Variants in OPCML observed in about 807,000 individuals in gnomAD.
OPCML encodes the protein opioid binding protein/cell adhesion molecule like, also known as opioid-binding protein/cell adhesion molecule.
A neutral mutation model predicts 37.8 loss-of-function variants in OPCML; 13 were observed. The ratio of observed to expected loss-of-function variants is 0.34; its 90% CI spans 0.22 to 0.55. The LOEUF (loss-of-function observed/expected upper bound fraction) is 0.55, where lower values mean the gene tolerates loss of function less well. OPCML is among the 20% of genes least tolerant of loss of function. OPCML has a pLI of 0.91. For missense variants in OPCML, 341 were observed against 435.6 expected (o/e 0.78, Z 1.93); for synonymous variants, 176 against 168.8 (o/e 1.04, Z -0.33).
At chr11:132,574,297 C>T (rs7119584) in intron 3 of OPCML, among the ~76,000 whole-genome samples, 76,932 of 145,884 alleles carry the variant, frequency 0.53, 21,006 homozygotes, top group Admixed American at 0.65. Flanking sequence ...CTAGCTAAAC[C>T]TGGGCTTGAT....
At chr11:133,058,668 G>T (rs138257669) in intron 1 of OPCML, among the ~76,000 whole-genome samples, 2 of 152,318 alleles carry the variant, frequency 1.3e-5, no homozygotes, top group Admixed American at 1.3e-4. Context: ...AGTGAGCGCG[G>T]CTCCCCACGC....
chr11:133,416,444 GC>G (rs1398586788), intron 1 of OPCML, among the ~76,000 whole-genome samples: 8 of 152,246 alleles, frequency 5.3e-5, no homozygotes, highest in African/African-American at 1.9e-4. Context: ...CTGCCTCATG[GC>G]TCAATACCAT....
chr11:133,147,457 A>G (rs1038870342), intron 1 of OPCML, among the ~76,000 whole-genome samples: 4 of 152,180 alleles, frequency 2.6e-5, no homozygotes, highest in African/African-American at 9.6e-5. Flanking sequence ...ACCCGCTTCA[A>G]AACAGGAAGA....
At chr11:133,093,092 A>C (rs1948936936) in intron 1 of OPCML, among the ~76,000 whole-genome samples, 1 of 152,124 alleles carries the variant, frequency 6.6e-6, no homozygotes, top group South Asian at 2.1e-4. Flanking sequence ...GTATTTCAAT[A>C]GGTTTTTGAT....
intron 2 of OPCML, among the ~76,000 whole-genome samples, chr11:132,827,824 T>C (rs1940449740): frequency 7.1e-6 from 1 of 140,776 alleles, no homozygotes; most frequent in African/African-American, 2.5e-5. Context: ...TTTTGTATTT[T>C]TAGTAGAGAC....
At chr11:133,483,311 C>CAGAT (rs10527085) in intron 1 of OPCML, among the ~76,000 whole-genome samples, 15,150 of 148,446 alleles carry the variant, frequency 0.1, 868 homozygotes, top group African/African-American at 0.16. Flanking sequence ...GATAGATAGG[C>CAGAT]AGATAGATAG....
At chr11:133,144,432 G>A (rs936974745) in intron 1 of OPCML, among the ~76,000 whole-genome samples, 9 of 152,196 alleles carry the variant, frequency 5.9e-5, no homozygotes, top group South Asian at 2.1e-4. Flanking sequence ...GGCAGCTGGC[G>A]TATCCATTTC....
At chr11:133,314,316 T>C (rs1426885464) in intron 1 of OPCML, among the ~76,000 whole-genome samples, 1 of 148,716 alleles carries the variant, frequency 6.7e-6, no homozygotes, top group Non-Finnish European at 1.5e-5. Flanking sequence ...AAAAACTAAT[T>C]AAATTCAATA....
chr11:133,483,243 G>A (rs1019998358), intron 1 of OPCML, among the ~76,000 whole-genome samples: 1 of 151,984 alleles, frequency 6.6e-6, no homozygotes, highest in Non-Finnish European at 1.5e-5. Flanking sequence ...AGGAAATACT[G>A]AAGAAAGTGA....
chr11:132,771,507 AAT>A (rs1279688260), intron 2 of OPCML: 1 of 152,204 alleles, frequency 6.6e-6, no homozygotes, highest in East Asian at 1.9e-4. Context: ...ACAAGCAATT[AAT>A]CCTATTATCC....
At chr11:132,799,125 A>T (rs926781949) in intron 2 of OPCML, among the ~76,000 whole-genome samples, 3 of 152,190 alleles carry the variant, frequency 2.0e-5, no homozygotes, top group African/African-American at 7.2e-5. Context: ...TGTTCTTTGA[A>T]GTTTTGAAGC....
intron 1 of OPCML, among the ~76,000 whole-genome samples, chr11:133,265,034 G>A (rs985560161): frequency 3.9e-5 from 6 of 152,122 alleles, no homozygotes; most frequent in South Asian, 4.2e-4. Context: ...TTGATGACTC[G>A]CTGCGCCGTG....
At chr11:132,473,441 A>G (rs1425865644) in intron 4 of OPCML, among the ~76,000 whole-genome samples, 1 of 152,172 alleles carries the variant, frequency 6.6e-6, no homozygotes, top group Non-Finnish European at 1.5e-5. Context: ...TAGGTCAAGG[A>G]TCCATTTCCC....
intron 1 of OPCML, among the ~76,000 whole-genome samples, chr11:133,344,763 A>G (rs1470181858): frequency 6.6e-6 from 1 of 152,210 alleles, no homozygotes; most frequent in African/African-American, 2.4e-5. Context: ...GAAAGAGAAG[A>G]CCTAGCTAAA....
chr11:132,583,020 A>G (rs938483466), intron 3 of OPCML, among the ~76,000 whole-genome samples: 3 of 151,760 alleles, frequency 2.0e-5, no homozygotes, highest in African/African-American at 7.3e-5. Context: ...AATCAATAGG[A>G]AAATGTCTCT....
chr11:132,759,034 C>G (rs946374187), intron 2 of OPCML, among the ~76,000 whole-genome samples: 1 of 152,052 alleles, frequency 6.6e-6, no homozygotes, highest in Admixed American at 6.6e-5. Context: ...TTGTCAAAGG[C>G]CTTTTCTGCA....
intron 2 of OPCML, among the ~76,000 whole-genome samples, chr11:132,732,257 A>G (rs969288591): frequency 1.3e-5 from 2 of 152,214 alleles, no homozygotes; most frequent in Admixed American, 1.3e-4. Context: ...AAAATATTTA[A>G]GACAAAAATC....
At chr11:133,420,493 T>G in intron 1 of OPCML, 1 of 984,908 alleles carries the variant, frequency 1.0e-6, no homozygotes, top group Non-Finnish European at 1.2e-6. Context: ...GACTTTTATT[T>G]TTTTTCTGGC....
At chr11:132,809,889 C>CT (rs1565879919) in intron 2 of OPCML, among the ~76,000 whole-genome samples, 1 of 152,040 alleles carries the variant, frequency 6.6e-6, no homozygotes, top group East Asian at 1.9e-4. Context: ...CTTGCTCTGT[C>CT]GCCAGGCTGG....
Sources: allele counts gnomAD v4.1 joint callset (sites outside exome capture counted in the v4.1 genomes callset), GRCh38; gene constraint gnomAD v4.1.1; transcripts MANE v1.5; gene names NCBI Gene and HGNC (gene_info 2026-07-23, HGNC 2026-07-21).